Variants in NBAS observed in about 807,000 individuals in gnomAD.
NBAS encodes the protein NAG/BC035112 fusion.
Under a neutral mutation model 302.5 loss-of-function variants are expected in NBAS, and 219 were observed. That is an observed-to-expected ratio of 0.72 (90% CI 0.65 to 0.81). The LOEUF (loss-of-function observed/expected upper bound fraction) is 0.81. NBAS is among the 30% of genes least tolerant of loss of function. The probability of loss-of-function intolerance (pLI) is 0.00; values close to 1 mark genes in which losing one functional copy is unlikely to be tolerated. For missense variants in NBAS, 2,932 were observed against 2,841.6 expected (o/e 1.03, Z -0.72); for synonymous variants, 1,118 against 1,021.6 (o/e 1.09, Z -1.80).
intron 51 of NBAS, among the ~76,000 whole-genome samples, chr2:15,172,794 T>C (rs1412805133): frequency 6.6e-6 from 1 of 152,206 alleles, no homozygotes; most frequent in Non-Finnish European, 1.5e-5. Context: ...CCTGATCAAA[T>C]AACTTTGAAT....
At chr2:15,380,748 C>T (rs1460897991) in intron 29 of NBAS, among the ~76,000 whole-genome samples, 1 of 152,100 alleles carries the variant, frequency 6.6e-6, no homozygotes, top group Non-Finnish European at 1.5e-5. Flanking sequence ...CCCAAAAATG[C>T]ACTTCCCTGT....
chr2:15,026,489 A>AAAAAAAAAAAAAT, the NBAS span, among the ~76,000 whole-genome samples: 1 of 136,356 alleles, frequency 7.3e-6, no homozygotes, highest in African/African-American at 2.7e-5. Context: ...AAAAAAAAAA[A>AAAAAAAAAAAAAT]AAGTCTTTTC....
intron 29 of NBAS, 56 bp from the exon 30 acceptor site, chr2:15,379,887 T>A: frequency 6.7e-7 from 1 of 1,499,982 alleles, no homozygotes; most frequent in Non-Finnish European, 9.3e-7. Context: ...CAGTTCTCAG[T>A]GAAATGAAGG....
intron 47 of NBAS, among the ~76,000 whole-genome samples, chr2:15,226,213 C>T (rs1667146417): frequency 6.6e-6 from 1 of 152,152 alleles, no homozygotes; most frequent in African/African-American, 2.4e-5. Context: ...TAAGGTTGTT[C>T]TGAGGACTAA....
At chr2:15,484,708 TA>T (rs1250387092) in intron 12 of NBAS, among the ~76,000 whole-genome samples, 2 of 152,182 alleles carry the variant, frequency 1.3e-5, no homozygotes, top group African/African-American at 4.8e-5. Context: ...CTCAAAATAT[TA>T]ACATGTCATT....
intron 11 of NBAS, among the ~76,000 whole-genome samples, chr2:15,490,898 C>T (rs9973946): frequency 0.61 from 92,238 of 151,978 alleles, 28,944 homozygotes; most frequent in Non-Finnish European, 0.68. Flanking sequence ...GTGATCTGTA[C>T]GGTAATTCCC....
chr2:14,890,808 A>T, the NBAS span: 3 of 163,722 alleles, frequency 1.8e-5, no homozygotes, highest in Middle Eastern at 2.8e-3. Flanking sequence ...GGGGAACAAG[A>T]GCAAAACTCT....
intron 21 of NBAS, among the ~76,000 whole-genome samples, chr2:15,460,032 T>C (rs1428545236): frequency 6.6e-6 from 1 of 151,974 alleles, no homozygotes; most frequent in African/African-American, 2.4e-5. Context: ...TAGTAATTAC[T>C]CTATACATGT....
intron 10 of NBAS, among the ~76,000 whole-genome samples, chr2:15,510,680 T>C (rs945977003): frequency 6.6e-6 from 1 of 152,142 alleles, no homozygotes; most frequent in African/African-American, 2.4e-5. Context: ...TAAGTAAGTA[T>C]AGAATGAATG....
At chr2:15,138,303 G>A in the NBAS span, among the ~76,000 whole-genome samples, 1 of 152,154 alleles carries the variant, frequency 6.6e-6, no homozygotes, top group Non-Finnish European at 1.5e-5. Context: ...GGAGCAGGGA[G>A]CACAAGGATG....
chr2:15,532,637 T>C (rs1475090793), intron 9 of NBAS, among the ~76,000 whole-genome samples: 1 of 151,680 alleles, frequency 6.6e-6, no homozygotes, highest in Admixed American at 6.6e-5. Context: ...TAAATAAACA[T>C]TGTGTAAAAT....
At chr2:14,923,551 T>G in the NBAS span, among the ~76,000 whole-genome samples, 1 of 152,174 alleles carries the variant, frequency 6.6e-6, no homozygotes, top group Non-Finnish European at 1.5e-5. Flanking sequence ...ACATGGAGCT[T>G]ACTCTGCAAT....
At chr2:14,924,604 A>G in the NBAS span, among the ~76,000 whole-genome samples, 2 of 152,236 alleles carry the variant, frequency 1.3e-5, no homozygotes, top group Non-Finnish European at 2.9e-5. Flanking sequence ...GATTTCATAT[A>G]TAATAATGTC....
Position 15,502,662 on chromosome 2 carries a change from T to C in NBAS, c.954+1483A>G, listed in dbSNP as rs118180377. Among the ~76,000 whole-genome samples the C allele has an allele frequency of 2.8e-3, 430 of 152,348 alleles. 17 individuals carry two copies. The East Asian group carries it at 0.076, about 27-fold the overall frequency. On this transcript the variant is annotated intron_variant, in intron 11 of 51. Coordinates refer to ENST00000281513, the MANE Select transcript of NBAS (RefSeq NM_015909.4). The stretch of plus-strand genomic sequence containing the variant: ...ATGTGTATAGGGCATTGACCATGAA[T>C]GGAGCTTGCAGAACTAGAAGTTGCT...
chr2:15,277,166 T>A, intron 42 of NBAS, 65 bp from the exon 43 acceptor site: 1 of 1,340,504 alleles, frequency 7.5e-7, no homozygotes, highest in Non-Finnish European at 1.0e-6. Context: ...ATTTTTTTTT[T>A]AACCAAGGAA....
At chr2:15,015,269 C>T in the NBAS span, among the ~76,000 whole-genome samples, 36 of 151,954 alleles carry the variant, frequency 2.4e-4, no homozygotes, top group African/African-American at 8.0e-4. Context: ...GAGGGACTCC[C>T]CCTCATTTTA....
intron 9 of NBAS, among the ~76,000 whole-genome samples, chr2:15,517,163 T>C (rs1453619919): frequency 6.6e-6 from 1 of 152,164 alleles, no homozygotes; most frequent in Non-Finnish European, 1.5e-5. Flanking sequence ...ACTTTTATTT[T>C]AGGTTTAGAG....
the NBAS span, among the ~76,000 whole-genome samples, chr2:14,779,173 G>A: frequency 6.6e-6 from 1 of 152,156 alleles, no homozygotes; most frequent in Non-Finnish European, 1.5e-5. Context: ...AAAAGAGTGG[G>A]TAGGCATCTT....
chr2:15,226,438 T>C (rs1667154072), intron 47 of NBAS, among the ~76,000 whole-genome samples: 1 of 152,230 alleles, frequency 6.6e-6, no homozygotes, highest in Non-Finnish European at 1.5e-5. Context: ...TAACACGAAC[T>C]AGAAATTGAT....
Sources: gnomAD v4.1 joint callset for allele counts (sites outside exome capture counted in the v4.1 genomes callset) on GRCh38, gnomAD v4.1.1 for gene constraint, MANE v1.5 for transcripts, NCBI Gene and HGNC (gene_info 2026-07-23, HGNC 2026-07-21) for gene names.